Variants in STPG2 observed in about 807,000 individuals in gnomAD.
The protein encoded by STPG2 is sperm tail PG-rich repeat containing 2.
Under a neutral mutation model 54.2 loss-of-function variants are expected in STPG2, and 56 were observed. The ratio of observed to expected loss-of-function variants is 1.03; its 90% CI spans 0.83 to 1.29. STPG2 has a LOEUF of 1.29. STPG2 is among the 50% of genes most tolerant of loss of function. STPG2 has a pLI of 0.00. For synonymous variants in STPG2, 200 were observed against 181.8 expected (o/e 1.10, Z -0.81); for missense variants, 596 against 544.9 (o/e 1.09, Z -0.93).
At chr4:97,700,986 C>T (rs1723754441) in intron 10 of STPG2, among the ~76,000 whole-genome samples, 1 of 152,222 alleles carries the variant, frequency 6.6e-6, no homozygotes, top group South Asian at 2.1e-4. Context: ...ATCTGTCTTC[C>T]TCACAGGCCA....
At chr4:97,735,639 A>G (rs1724959975) in intron 9 of STPG2, among the ~76,000 whole-genome samples, 1 of 149,376 alleles carries the variant, frequency 6.7e-6, no homozygotes, top group Non-Finnish European at 1.5e-5. Context: ...ATACACACAC[A>G]TATCTACAGA....
At chr4:97,706,497 C>T (rs573326949) in intron 10 of STPG2, among the ~76,000 whole-genome samples, 3 of 152,254 alleles carry the variant, frequency 2.0e-5, no homozygotes, top group East Asian at 3.9e-4. Flanking sequence ...TCACAAAACA[C>T]TAAATTTTAT....
intron 4 of STPG2, among the ~76,000 whole-genome samples, chr4:97,547,472 A>C (rs1731859195): frequency 6.6e-6 from 1 of 152,140 alleles, no homozygotes; most frequent in Non-Finnish European, 1.5e-5. Context: ...GGCCTCCCAA[A>C]GTGCTGGGAT....
chr4:97,736,008 G>T (rs567046922), intron 9 of STPG2, among the ~76,000 whole-genome samples: 1 of 152,278 alleles, frequency 6.6e-6, no homozygotes, highest in Non-Finnish European at 1.5e-5. Context: ...CTTCACACTT[G>T]TTAGGATGGC....
intron 8 of STPG2, among the ~76,000 whole-genome samples, chr4:97,849,934 G>T (rs948631359): frequency 2.6e-5 from 4 of 152,010 alleles, no homozygotes; most frequent in African/African-American, 9.7e-5. Context: ...TATACCCAAA[G>T]GATTATAAAT....
chr4:98,014,178 C>T (rs1353227776), intron 5 of STPG2, among the ~76,000 whole-genome samples: 1 of 152,106 alleles, frequency 6.6e-6, no homozygotes, highest in Non-Finnish European at 1.5e-5. Context: ...TCTCTTTGTT[C>T]TCATTAGTTT....
At chr4:97,511,840 C>T (rs1730979816) in intron 4 of STPG2, among the ~76,000 whole-genome samples, 4 of 151,338 alleles carry the variant, frequency 2.6e-5, no homozygotes, top group African/African-American at 9.7e-5. Flanking sequence ...TACGATTTTG[C>T]AAGAAAAAAA....
At chr4:97,567,498 G>T (rs1732484828) in intron 10 of STPG2, among the ~76,000 whole-genome samples, 1 of 150,296 alleles carries the variant, frequency 6.7e-6, no homozygotes, top group Non-Finnish European at 1.5e-5. Flanking sequence ...TGACTTTCAG[G>T]AGTTTATCCT....
intron 10 of STPG2, among the ~76,000 whole-genome samples, chr4:97,564,302 C>G (rs1241314710): frequency 6.7e-6 from 1 of 149,986 alleles, no homozygotes; most frequent in African/African-American, 2.5e-5. Flanking sequence ...CTTCCTCCAT[C>G]CTTTCATTTT....
At chr4:97,484,273 A>G (rs1438070580) in intron 4 of STPG2, among the ~76,000 whole-genome samples, 1 of 151,832 alleles carries the variant, frequency 6.6e-6, no homozygotes, top group African/African-American at 2.4e-5. Context: ...TAAATGAAGC[A>G]AACAGCCAGT....
chr4:97,770,281 T>C (rs1483674501), intron 9 of STPG2, among the ~76,000 whole-genome samples: 1 of 152,122 alleles, frequency 6.6e-6, no homozygotes, highest in Non-Finnish European at 1.5e-5. Flanking sequence ...AAGGGGACTG[T>C]GAGTTCTAAA....
intron 4 of STPG2, among the ~76,000 whole-genome samples, chr4:97,488,769 A>C (rs1311220985): frequency 6.6e-6 from 1 of 151,740 alleles, no homozygotes; most frequent in Non-Finnish European, 1.5e-5. Flanking sequence ...CATCATTTCC[A>C]CTCACATTGC....
chr4:97,832,862 G>A (rs1189076215), intron 9 of STPG2, among the ~76,000 whole-genome samples: 1 of 152,080 alleles, frequency 6.6e-6, no homozygotes, highest in Non-Finnish European at 1.5e-5. Flanking sequence ...AATAAGAGAG[G>A]ACACAAATAA....
intron 8 of STPG2, among the ~76,000 whole-genome samples, chr4:97,841,961 C>T (rs1256666910): frequency 6.6e-6 from 1 of 151,800 alleles, no homozygotes; most frequent in Non-Finnish European, 1.5e-5. Context: ...AAAACAAAGC[C>T]TGACCAATCA....
intron 4 of STPG2, among the ~76,000 whole-genome samples, chr4:97,497,399 T>A (rs1323441553): frequency 6.6e-6 from 1 of 151,894 alleles, no homozygotes; most frequent in African/African-American, 2.4e-5. Context: ...AATGCTTCAG[T>A]TAAGTTCTAG....
chr4:97,904,110 G>A (rs539754312), intron 8 of STPG2, among the ~76,000 whole-genome samples: 2 of 152,200 alleles, frequency 1.3e-5, no homozygotes, highest in African/African-American at 4.8e-5. Context: ...AGCTGAAGGA[G>A]GCCTGCCTGC....
intron 8 of STPG2, among the ~76,000 whole-genome samples, chr4:97,942,446 C>G (rs1295393841): frequency 1.3e-5 from 2 of 151,896 alleles, no homozygotes; most frequent in African/African-American, 4.8e-5. Context: ...TTAAAAATTA[C>G]TCAGAATCTA....
At chr4:98,087,455 T>A (rs1738554075) in intron 5 of STPG2, among the ~76,000 whole-genome samples, 1 of 152,142 alleles carries the variant, frequency 6.6e-6, no homozygotes, top group Admixed American at 6.5e-5. Context: ...GTTTTCTACT[T>A]CTACTCAAAA....
chr4:97,996,628 A>T (rs928779811), intron 5 of STPG2, among the ~76,000 whole-genome samples: 6 of 22,456 alleles, frequency 2.7e-4, no homozygotes, highest in Non-Finnish European at 5.7e-4. Context: ...CTATTAACAG[A>T]GTAAACAGAC....
Sources: allele counts gnomAD v4.1 joint callset (sites outside exome capture counted in the v4.1 genomes callset), GRCh38; gene constraint gnomAD v4.1.1; transcripts MANE v1.5; gene names NCBI Gene and HGNC (gene_info 2026-07-23, HGNC 2026-07-21).